ITPK1: variants seen among roughly 807,000 people sequenced by gnomAD.
The protein encoded by ITPK1 is inositol 1,3,4-trisphosphate 5/6-kinase.
Under a neutral mutation model 45.3 loss-of-function variants are expected in ITPK1, and 21 were observed. The ratio of observed to expected loss-of-function variants is 0.46; its 90% CI spans 0.33 to 0.67. The LOEUF (loss-of-function observed/expected upper bound fraction) is 0.67, where lower values mean the gene tolerates loss of function less well. Among genes scored for constraint, ITPK1 ranks in the 30% least tolerant of loss-of-function variants. ITPK1 has a pLI of 0.02. For missense variants in ITPK1, 474 were observed against 573.5 expected (o/e 0.83, Z 1.77); for synonymous variants, 258 against 253.6 (o/e 1.02, Z -0.16).
chr14:93,067,534 C>A (rs1027944388), intron 3 of ITPK1: 1 of 152,114 alleles, frequency 6.6e-6, no homozygotes, highest in African/African-American at 2.4e-5. Flanking sequence ...GACTGCAACA[C>A]GGTGACAGCT....
intron 3 of ITPK1, among the ~76,000 whole-genome samples, chr14:93,056,159 T>C (rs1890207576): frequency 1.3e-5 from 2 of 151,864 alleles, no homozygotes; most frequent in African/African-American, 4.8e-5. Flanking sequence ...TAGAGACTGG[T>C]GTGTGCAAAG....
At chr14:93,114,606 T>G (rs1306669795) in intron 2 of ITPK1, among the ~76,000 whole-genome samples, 1 of 152,114 alleles carries the variant, frequency 6.6e-6, no homozygotes, top group South Asian at 2.1e-4. Flanking sequence ...AATGACAGCC[T>G]CAAGAGCCGA....
At position 92,938,158 on chromosome 14, in the gene ITPK1, C is replaced by T. The variant is rs966626114; in HGVS notation, c.*3403G>A. On this transcript the variant is annotated 3_prime_UTR_variant, in exon 11 of 11. Coordinates refer to ENST00000267615, the MANE Select transcript of ITPK1 (RefSeq NM_014216.6). ...TATTTTTAGTAGAGATGGGGTTTCA[C>T]CATGTTGGCCAGGATGGTGTCGATC... 5.3e-6 allele frequency: 2 copies of T among 378,762 alleles called. No homozygotes were observed. The highest frequency in any genetic ancestry group is 9.5e-6 in the Non-Finnish European group (2 of 210,216). The allele number at this position is 378,762 out of a possible 1,614,324, so 23.5% of individuals were successfully genotyped here.
intron 3 of ITPK1, among the ~76,000 whole-genome samples, chr14:93,019,714 A>G (rs1888371806): frequency 6.6e-6 from 1 of 152,100 alleles, no homozygotes; most frequent in Admixed American, 6.5e-5. Context: ...CACTAGCTAG[A>G]AAAGAGATGG....
chr14:93,004,634 G>A (rs1887522708), intron 4 of ITPK1, among the ~76,000 whole-genome samples: 1 of 152,068 alleles, frequency 6.6e-6, no homozygotes, highest in South Asian at 2.1e-4. Context: ...GTGTGTGCGT[G>A]CGTGTGTGGT....
chr14:93,006,653 G>A (rs1759096792), intron 4 of ITPK1, among the ~76,000 whole-genome samples: 3 of 152,148 alleles, frequency 2.0e-5, no homozygotes, highest in African/African-American at 7.2e-5. Flanking sequence ...GGCATGTGGT[G>A]TGAGCCACGG....
chr14:92,961,599 T>C (rs1045750635), intron 7 of ITPK1, among the ~76,000 whole-genome samples: 3 of 152,162 alleles, frequency 2.0e-5, no homozygotes, highest in Admixed American at 6.5e-5. Context: ...ACAGCCCTCA[T>C]GTGGGCCCAG....
chr14:92,953,140 C>A (rs532549754), intron 8 of ITPK1, among the ~76,000 whole-genome samples: 32 of 152,390 alleles, frequency 2.1e-4, no homozygotes, highest in South Asian at 1.9e-3. Context: ...GGCACCTGAT[C>A]TGGCTGCCAA....
rs181122432 is a variant in ITPK1, at chr14:93,053,386, G to A, written c.120+23209C>T. Among the ~76,000 whole-genome samples the A allele has an allele frequency of 4.7e-4, 70 of 149,386 alleles. 1 individual carries two copies. In the East Asian group the frequency reaches 0.014, roughly 31 times the overall value. The stretch of plus-strand genomic sequence containing the variant: ...GTGGTTCCCCACCCGCCCCTCTCCC[G>A]GCTGCCTGTTGTCCTGGGGGCCTCA... On this transcript the variant is annotated intron_variant, in intron 3 of 10. Coordinates refer to ENST00000267615, the MANE Select transcript of ITPK1 (RefSeq NM_014216.6).
chr14:92,939,542 C>T lies in ITPK1; in HGVS notation c.*2019G>A, dbSNP rs528599029. On this transcript the variant is annotated 3_prime_UTR_variant, in exon 11 of 11. Transcript: ENST00000267615. ...AGGCCTTTACGAAGCAAATCTCCATCCTCCATCTCCACTCTTGGAAAATGC... is the reference window on the plus strand; with the variant it reads ...AGGCCTTTACGAAGCAAATCTCCATTCTCCATCTCCACTCTTGGAAAATGC... 2.4e-5 allele frequency: 8 copies of T among 328,196 alleles called. No homozygotes were observed. In the East Asian group the frequency reaches 1.2e-3, roughly 49 times the overall value. 20.3% of individuals were successfully genotyped at this position (328,196 alleles called of 1,614,324 possible). A position where few individuals can be genotyped will look rare whatever the true frequency, so the allele number is the denominator to read the frequency against.
At chr14:92,985,709 C>T (rs1886456131) in intron 5 of ITPK1, among the ~76,000 whole-genome samples, 1 of 151,938 alleles carries the variant, frequency 6.6e-6, no homozygotes, top group African/African-American at 2.4e-5. Flanking sequence ...CACTGCAAGC[C>T]TACCATCAGG....
At chr14:93,058,406 CAG>C (rs1890305303) in intron 3 of ITPK1, among the ~76,000 whole-genome samples, 1 of 84,322 alleles carries the variant, frequency 1.2e-5, no homozygotes. Flanking sequence ...GGTCGCAACA[CAG>C]GGGTGGAGGG....
At chr14:93,115,348 G>A (rs1156449933) in intron 1 of ITPK1, 43 bp from the exon 2 acceptor site, 1 of 245,404 alleles carries the variant, frequency 4.1e-6, no homozygotes, top group Non-Finnish European at 7.7e-6. Context: ...GCGGGCGGCC[G>A]GGAGGAGGGA....
rs983028664 is a variant in ITPK1, at chr14:93,016,424, C to A, written c.246+252G>T. Among the ~76,000 whole-genome samples, 1 of 152,174 alleles carries A rather than the reference C, an allele frequency of 6.6e-6. No individual in the cohort carries two copies. Among genetic ancestry groups the A allele is most frequent in the Admixed American group, 6.5e-5 (1 of 15,276 alleles). On this transcript the variant is annotated intron_variant, in intron 4 of 10. Coordinates refer to ENST00000267615, the MANE Select transcript of ITPK1 (RefSeq NM_014216.6). This position sits in a 1 kb window ranked among gnomAD's most constrained non-coding sequence, Gnocchi z 5.0. The stretch of plus-strand genomic sequence containing the variant: ...AACTCAGCGATGCCTCATCAGTAAA[C>A]CGTGTCTACACAGCCAGGGGGTGGA...
chr14:93,064,151 C>T lies in ITPK1; in HGVS notation c.120+12444G>A, dbSNP rs920625626. On this transcript the variant is annotated intron_variant, in intron 3 of 10. Transcript: ENST00000267615. ...ACAAAAAATTAGCCGGGCGTGGTGG[C>T]GGGCACCTGTAGTCCCAGCTACTTG... Among the ~76,000 whole-genome samples, 77 of 152,238 alleles carry T rather than the reference C, an allele frequency of 5.1e-4. 1 individual carries two copies. The highest frequency in any genetic ancestry group is 1.6e-3 in the African/African-American group (67 of 41,548).
At chr14:93,094,259 G>A (rs1333698230) in intron 2 of ITPK1, among the ~76,000 whole-genome samples, 4 of 152,214 alleles carry the variant, frequency 2.6e-5, no homozygotes, top group Admixed American at 2.6e-4. Context: ...CTGCCCTGTG[G>A]GTGACTTAAG....
intron 3 of ITPK1, among the ~76,000 whole-genome samples, chr14:93,038,825 C>A (rs893815835): frequency 1.3e-5 from 2 of 152,214 alleles, no homozygotes; most frequent in African/African-American, 4.8e-5. Flanking sequence ...CCGCACCCAG[C>A]CAGATATGTG....
intron 2 of ITPK1, among the ~76,000 whole-genome samples, chr14:93,078,247 T>G (rs79089242): frequency 1.3e-5 from 2 of 152,156 alleles, no homozygotes; most frequent in African/African-American, 4.8e-5. Flanking sequence ...TTGGGCACCC[T>G]TGCTCCCTTG....
chr14:93,112,708 G>C (rs1036095358), intron 2 of ITPK1, among the ~76,000 whole-genome samples: 5 of 151,938 alleles, frequency 3.3e-5, no homozygotes, highest in Non-Finnish European at 5.9e-5. Context: ...AAAGTGCTGG[G>C]ATTACAGACA....
Sources: allele counts gnomAD v4.1 joint callset (sites outside exome capture counted in the v4.1 genomes callset), GRCh38; gene constraint gnomAD v4.1.1; non-coding constraint Gnocchi (gnomAD v3.1); transcripts MANE v1.5; gene names NCBI Gene and HGNC (gene_info 2026-07-23, HGNC 2026-07-21).